KANSL1: variants seen among roughly 807,000 people sequenced by gnomAD.
KANSL1 encodes KAT8 regulatory NSL complex subunit 1.
Under a neutral mutation model 103.6 loss-of-function variants are expected in KANSL1, and 22 were observed. The observed-to-expected ratio is 0.21, with a 90% confidence interval of 0.15 to 0.30. KANSL1 has a LOEUF of 0.30. Ranked by LOEUF, KANSL1 falls within the 10% of genes least tolerant of loss-of-function variation. The probability of loss-of-function intolerance (pLI) is 1.00; values close to 1 mark genes in which losing one functional copy is unlikely to be tolerated. For synonymous variants in KANSL1, 600 were observed against 527.6 expected (o/e 1.14, Z -1.88); for missense variants, 1,337 against 1,399.8 (o/e 0.96, Z 0.72).
At chr17:46,052,794 TAAAAAAA>T (rs35162336) in intron 6 of KANSL1, among the ~76,000 whole-genome samples, 3 of 118,308 alleles carry the variant, frequency 2.5e-5, no homozygotes, top group Admixed American at 8.9e-5. Context: ...AATTTAAAAT[TAAAAAAA>T]AAAAAAAAAA....
intron 2 of KANSL1, among the ~76,000 whole-genome samples, chr17:46,098,893 A>C (rs1411870534): frequency 1.3e-5 from 2 of 152,280 alleles, no homozygotes; most frequent in Non-Finnish European, 2.9e-5. Context: ...GCAGAAAGCT[A>C]AACTGTTATT....
chr17:46,032,093 C>T lies in KANSL1; in HGVS notation c.3044G>A (p.Ser1015Asn), dbSNP rs1417758311. Reference protein sequence around the residue: ...VARDTPRHLASEDTRCSTPEL... With the variant: ...VARDTPRHLANEDTRCSTPEL... ...TGGTGTGGAACAACGGGTATCCTCA[C>T]TGGCTAAGTGTCGCGGAGTGTCCCG... Residue 1015 changes from serine (S) to asparagine (N), a missense_variant, in exon 14 of 15, where the codon AGT becomes AAT. Transcript: ENST00000432791. 1 of 1,614,050 alleles carries T rather than the reference C, an allele frequency of 6.2e-7. No individual in the cohort carries two copies. Among genetic ancestry groups the T allele is most frequent in the East Asian group, 2.2e-5 (1 of 44,882 alleles).
At chr17:46,153,233 G>C (rs2045222909) in intron 2 of KANSL1, among the ~76,000 whole-genome samples, 1 of 152,186 alleles carries the variant, frequency 6.6e-6, no homozygotes, top group Admixed American at 6.5e-5. Flanking sequence ...TTTAGTTGTG[G>C]GGAAAGATCA....
intron 9 of KANSL1, 166 bp downstream of exon 9, chr17:46,038,861 G>C: frequency 8.9e-7 from 1 of 1,117,508 alleles, no homozygotes; most frequent in Non-Finnish European, 1.3e-6. Context: ...AGAGGTTGCT[G>C]TAGCAGTTAA....
chr17:46,210,493 A>G (rs1287640447), intron 1 of KANSL1, among the ~76,000 whole-genome samples: 19 of 2,738 alleles, frequency 6.9e-3, no homozygotes, highest in African/African-American at 8.0e-3. Context: ...AAAAAAAAAA[A>G]AAAAAAAAAG....
intron 2 of KANSL1, among the ~76,000 whole-genome samples, chr17:46,131,023 T>C (rs2043838219): frequency 6.6e-6 from 1 of 152,214 alleles, no homozygotes; most frequent in Non-Finnish European, 1.5e-5. Context: ...TCTTTTTCAA[T>C]TACACTTTGA....
At chr17:46,189,113 T>C (rs1337727194) in intron 1 of KANSL1, among the ~76,000 whole-genome samples, 1 of 140,722 alleles carries the variant, frequency 7.1e-6, no homozygotes, top group African/African-American at 2.7e-5. Context: ...CTCAGGAGGC[T>C]AAGGCAGGAA....
intron 7 of KANSL1, chr17:46,042,061 C>T (rs1045081655): frequency 6.6e-6 from 1 of 152,076 alleles, no homozygotes; most frequent in African/African-American, 2.4e-5. Context: ...GCACCCGCCA[C>T]CTCGCCCGGC....
intron 1 of KANSL1, among the ~76,000 whole-genome samples, chr17:46,202,557 G>C (rs1383600754): frequency 6.6e-6 from 1 of 152,210 alleles, no homozygotes; most frequent in Non-Finnish European, 1.5e-5. Context: ...TAAAACCCCT[G>C]AATGTAATCC....
chr17:46,039,614 A>G, intron 8 of KANSL1, 88 bp downstream of exon 8: 1 of 1,428,196 alleles, frequency 7.0e-7, no homozygotes, highest in Non-Finnish European at 9.5e-7. Flanking sequence ...CCCAACCCCA[A>G]CATGCATGCA....
At chr17:46,095,248 G>C (rs1238939369) in intron 2 of KANSL1, among the ~76,000 whole-genome samples, 1 of 152,120 alleles carries the variant, frequency 6.6e-6, no homozygotes, top group African/African-American at 2.4e-5. Flanking sequence ...TTTTAGGATG[G>C]CGATTCTCAT....
At position 46,112,368 on chromosome 17, in the gene KANSL1, CAAAAAAAAAAAAAAAA is replaced by C. The variant is rs34480982; in HGVS notation, c.1290-17683_1290-17668del. On this transcript the variant is annotated intron_variant, in intron 2 of 14. Coordinates refer to ENST00000432791, the MANE Select transcript of KANSL1 (RefSeq NM_015443.4). Reference sequence around the variant, plus strand: ...GGGTGAAAAGAGTGAAACTCTGTCTCAAAAAAAAAAAAAAAAAAAAAAAAAAAGAATCCAGACCGGG... The same window carrying C: ...GGGTGAAAAGAGTGAAACTCTGTCTCAAAAAAAAAAAGAATCCAGACCGGG... Among the ~76,000 whole-genome samples the C allele has an allele frequency of 1.6e-4, 8 of 51,074 alleles. 1 individual carries two copies. Among genetic ancestry groups the C allele is most frequent in the East Asian group, 9.4e-4 (1 of 1,060 alleles). The allele number at this position is 51,074 out of a possible 152,430, so 33.5% of individuals were successfully genotyped here. A position where few individuals can be genotyped will look rare whatever the true frequency, so the allele number is the denominator to read the frequency against.
chr17:46,171,561 C>T lies in KANSL1; in HGVS notation c.583G>A (p.Gly195Arg), dbSNP rs780762914. Reference sequence around the variant, plus strand: ...CCCTTCAAGTCCCCAGATTCAGATCCTCCCATTTCACCCCCATGAAGAGCA... The same window carrying T: ...CCCTTCAAGTCCCCAGATTCAGATCTTCCCATTTCACCCCCATGAAGAGCA... Reference protein sequence around the residue: ...SSALHGGEMGGSESGDLKGGM... With the variant: ...SSALHGGEMGRSESGDLKGGM... Residue 195 changes from glycine to arginine, a missense_variant, in exon 2 of 15, where the codon GGA (glycine) becomes AGA (arginine). Coordinates refer to ENST00000432791, the MANE Select transcript of KANSL1 (RefSeq NM_015443.4). 2.0e-5 allele frequency: 32 copies of T among 1,608,960 alleles called. No individual in the cohort carries two copies. The highest frequency in any genetic ancestry group is 1.7e-5 in the Admixed American group (1 of 59,074).
chr17:46,118,608 A>G (rs954022144), intron 2 of KANSL1, among the ~76,000 whole-genome samples: 1 of 152,218 alleles, frequency 6.6e-6, no homozygotes, highest in Non-Finnish European at 1.5e-5. Flanking sequence ...TGATGGTCCA[A>G]AGACTACACT....
At chr17:46,203,911 T>G in intron 1 of KANSL1, among the ~76,000 whole-genome samples, 1 of 152,304 alleles carries the variant, frequency 6.6e-6, no homozygotes, top group East Asian at 1.9e-4. Flanking sequence ...TGTGGTGGCA[T>G]GTGCCTGTAA....
At chr17:46,054,590 G>A (rs1202253719) in intron 6 of KANSL1, among the ~76,000 whole-genome samples, 6 of 152,048 alleles carry the variant, frequency 3.9e-5, no homozygotes, top group Admixed American at 1.3e-4. Context: ...CTCATCTCAC[G>A]AGGAATAGAA....
chr17:46,179,154 CA>C (rs550582665), intron 1 of KANSL1, among the ~76,000 whole-genome samples: 165 of 152,292 alleles, frequency 1.1e-3, no homozygotes, highest in African/African-American at 3.9e-3. Context: ...TGTCTCCAGA[CA>C]TGTCAAATAT....
At position 46,183,310 on chromosome 17, in the gene KANSL1, TAGCTCAC is replaced by T. The variant is rs569045677; in HGVS notation, c.-90+9506_-90+9512del. On this transcript the variant is annotated intron_variant, in intron 1 of 14. Coordinates refer to ENST00000432791, the MANE Select transcript of KANSL1 (RefSeq NM_015443.4). ...TTTTTTAAATGATGGCCTACCATGG[TAGCTCAC>T]ACTTATAAGCCCAGCACCTTGGGAG... Among the ~76,000 whole-genome samples the T allele has an allele frequency of 1.9e-4, 29 of 152,082 alleles. No homozygotes were observed. In the East Asian group the frequency reaches 5.4e-3, roughly 28 times the overall value.
At chr17:46,082,261 A>G (rs1185557413) in intron 4 of KANSL1, among the ~76,000 whole-genome samples, 180 bp downstream of exon 4, 2 of 152,206 alleles carry the variant, frequency 1.3e-5, no homozygotes, top group Non-Finnish European at 2.9e-5. Context: ...ACACAGCTGC[A>G]GGATGGGCCC....
Sources: allele counts gnomAD v4.1 joint callset (sites outside exome capture counted in the v4.1 genomes callset), GRCh38; gene constraint gnomAD v4.1.1; transcripts MANE v1.5; gene names NCBI Gene and HGNC (gene_info 2026-07-23, HGNC 2026-07-21).